The following OSTC variants were observed in gnomAD, a reference collection of about 807,000 sequenced individuals.
The protein encoded by OSTC is oligosaccharyltransferase complex subunit OSTC.
OSTC carries 16 observed loss-of-function variants against 16.4 expected under a neutral mutation model. That is an observed-to-expected ratio of 0.98 (90% CI 0.66 to 1.49). The LOEUF (loss-of-function observed/expected upper bound fraction) is 1.49. Ranked by LOEUF, OSTC falls within the 40% of genes most tolerant of loss-of-function variation. The probability of loss-of-function intolerance (pLI) is 0.00; values close to 1 mark genes in which losing one functional copy is unlikely to be tolerated. For missense variants in OSTC, 139 were observed against 186.3 expected, an observed-to-expected ratio of 0.75 and a Z score of 1.48; for synonymous variants, 67 against 68.5, an observed-to-expected ratio of 0.98 and a Z score of 0.11.
At chr4:108,666,722 A>AT (rs1228141753) in intron 3 of OSTC, among the ~76,000 whole-genome samples, 1 of 148,830 alleles carries the variant, frequency 6.7e-6, no homozygotes, top group Non-Finnish European at 1.5e-5. Flanking sequence ...AAAAAAAAAA[A>AT]AAAAACTTTG....
intron 1 of OSTC, 39 bp from the exon 2 acceptor site, chr4:108,655,525 A>G: frequency 7.8e-7 from 1 of 1,277,562 alleles, no homozygotes; most frequent in African/African-American, 1.5e-5. Flanking sequence ...TTCAAAAATT[A>G]GTAATACAAT....
chr4:108,655,735 T>A, intron 2 of OSTC, 78 bp downstream of exon 2: 1 of 1,039,494 alleles, frequency 9.6e-7, no homozygotes, highest in Non-Finnish European at 1.5e-6. Context: ...AAAAATAGAG[T>A]AAAACCTATG....
rs567554550 is a variant in OSTC, at chr4:108,663,932, G to A, written c.432-3315G>A. On this transcript the variant is annotated intron_variant, in intron 3 of 3. Transcript: ENST00000361564. ...TTTACTTTTTATTGTATTTATCTAC[G>A]GTTTTACTTATGTAAAATTCTCACA... 9.9e-5 allele frequency among the ~76,000 whole-genome samples: 15 copies of A among 152,032 alleles called. No individual in the cohort carries two copies. In the Middle Eastern group the frequency reaches 0.031, roughly 310 times the overall value.
intron 3 of OSTC, among the ~76,000 whole-genome samples, chr4:108,665,528 G>GT (rs1214738827): frequency 1.5e-4 from 5 of 33,410 alleles, no homozygotes; most frequent in African/African-American, 8.3e-4. Flanking sequence ...TAGCCAGGAT[G>GT]TTTTGTGTTT....
chr4:108,664,901 T>C (rs1226033236), intron 3 of OSTC, among the ~76,000 whole-genome samples: 5 of 152,170 alleles, frequency 3.3e-5, no homozygotes, highest in African/African-American at 1.2e-4. Context: ...CAAACCTTTT[T>C]ATTTTTAAAT....
At chr4:108,661,514 G>C (rs1187788354) in intron 3 of OSTC, among the ~76,000 whole-genome samples, 1 of 152,156 alleles carries the variant, frequency 6.6e-6, no homozygotes, top group Non-Finnish European at 1.5e-5. Flanking sequence ...TGATTCTTCT[G>C]AAAAAATAAT....
At position 108,666,929 on chromosome 4, in the gene OSTC, C is replaced by T. The variant is rs188983179; in HGVS notation, c.432-318C>T. ...CTGAGGCAGGAGAACCACTTGAACC[C>T]GGGAGGCGGAGGTTGCAGTGAGCTG... On this transcript the variant is annotated intron_variant, in intron 3 of 3. Coordinates refer to ENST00000361564, the MANE Select transcript of OSTC (RefSeq NM_021227.4). 4.3e-3 allele frequency among the ~76,000 whole-genome samples: 658 copies of T among 151,354 alleles called. 5 individuals carry two copies. Among genetic ancestry groups the T allele is most frequent in the African/African-American group, 0.015 (625 of 41,218 alleles).
chr4:108,664,182 T>G (rs1726935566), intron 3 of OSTC, among the ~76,000 whole-genome samples: 1 of 152,218 alleles, frequency 6.6e-6, no homozygotes, highest in Non-Finnish European at 1.5e-5. Flanking sequence ...ATTTTAAGTT[T>G]GGCAGCTTTG....
In OSTC at chr4:108,658,971, C is replaced by CTTTTTTTTTTTTTTTTTTTT. The variant is rs766585998; in HGVS notation, c.431+1330_431+1349dup. 8.3e-5 allele frequency among the ~76,000 whole-genome samples: 7 copies of CTTTTTTTTTTTTTTTTTTTT among 83,896 alleles called. 1 individual carries two copies. Among genetic ancestry groups the CTTTTTTTTTTTTTTTTTTTT allele is most frequent in the African/African-American group, 3.7e-4 (7 of 18,886 alleles). 55.0% of individuals were successfully genotyped at this position (83,896 alleles called of 152,430 possible). A position where few individuals can be genotyped will look rare whatever the true frequency, so the allele number is the denominator to read the frequency against. On this transcript the variant is annotated intron_variant, in intron 3 of 3. Transcript: ENST00000361564. The stretch of plus-strand genomic sequence containing the variant: ...TGCTCAGTTTCCTCTGGCAGCAGCT[C>CTTTTTTTTTTTTTTTTTTTT]TTTTTTTTTTTTTTTTTTTTTTTTT...
rs114785964 is a variant in OSTC at position 108,663,420 on chromosome 4, C to T, written c.432-3827C>T. 8.2e-3 allele frequency: 2,627 copies of T among 322,072 alleles called. 58 individuals are homozygous for T. Among genetic ancestry groups the T allele is most frequent in the African/African-American group, 0.053 (2,358 of 44,080 alleles). 20.0% of individuals were successfully genotyped at this position (322,072 alleles called of 1,614,324 possible). A position where few individuals can be genotyped will look rare whatever the true frequency, so the allele number is the denominator to read the frequency against. ...TAGAGATGGGGTTTCACCGTGTTAGCCAGTGATCTCCTAACCTCGTGATCC... is the reference window on the plus strand; with the variant it reads ...TAGAGATGGGGTTTCACCGTGTTAGTCAGTGATCTCCTAACCTCGTGATCC... On this transcript the variant is annotated intron_variant, in intron 3 of 3. Coordinates refer to ENST00000361564, the MANE Select transcript of OSTC (RefSeq NM_021227.4).
intron 1 of OSTC, among the ~76,000 whole-genome samples, chr4:108,653,705 A>C (rs1056273044): frequency 6.6e-6 from 1 of 152,136 alleles, no homozygotes; most frequent in African/African-American, 2.4e-5. Flanking sequence ...AATTAGTTGG[A>C]TATGTCACAT....
At chr4:108,656,712 T>C (rs535661816) in intron 2 of OSTC, among the ~76,000 whole-genome samples, 1 of 152,154 alleles carries the variant, frequency 6.6e-6, no homozygotes, top group African/African-American at 2.4e-5. Context: ...AAGAAGTTTA[T>C]TATTATTAAC....
chr4:108,666,887 C>G (rs1727021639), intron 3 of OSTC, among the ~76,000 whole-genome samples: 1 of 151,640 alleles, frequency 6.6e-6, no homozygotes, highest in Non-Finnish European at 1.5e-5. Context: ...CGCCTGTAAT[C>G]CCAGCTACTT....
chr4:108,653,382 CG>C (rs1157034760), intron 1 of OSTC, among the ~76,000 whole-genome samples: 1 of 152,038 alleles, frequency 6.6e-6, no homozygotes, highest in African/African-American at 2.4e-5. Flanking sequence ...CTGAAGAGTT[CG>C]GGGAAAGGAT....
At chr4:108,661,947 C>T (rs982478494) in intron 3 of OSTC, among the ~76,000 whole-genome samples, 6 of 152,086 alleles carry the variant, frequency 3.9e-5, no homozygotes, top group Non-Finnish European at 8.8e-5. Context: ...CCTGTGGTGG[C>T]GTGGTAATGC....
rs1164929408 is a variant in OSTC at position 108,667,624 on chromosome 4, A to AT, written c.*363dup. On this transcript the variant is annotated 3_prime_UTR_variant, in exon 4 of 4. Coordinates refer to ENST00000361564, the MANE Select transcript of OSTC (RefSeq NM_021227.4). ...ACATTTTTTGGAGATGACATTTCTG[A>AT]TTTTCAGAAATTAACATAAAATCCA... 1 of 170,550 alleles carries AT rather than the reference A, an allele frequency of 5.9e-6. No individual in the cohort carries two copies. The highest frequency in any genetic ancestry group is 2.4e-5 in the African/African-American group (1 of 42,154). The allele number at this position is 170,550 out of a possible 1,614,324, so 10.6% of individuals were successfully genotyped here.
At chr4:108,665,913 TC>T (rs1389194046) in intron 3 of OSTC, among the ~76,000 whole-genome samples, 6 of 152,076 alleles carry the variant, frequency 3.9e-5, no homozygotes, top group Admixed American at 1.3e-4. Context: ...TTTTTCCTGA[TC>T]CTGTAGATTC....
chr4:108,665,481 A>G (rs1726969800), intron 3 of OSTC, among the ~76,000 whole-genome samples: 1 of 127,586 alleles, frequency 7.8e-6, no homozygotes, highest in Non-Finnish European at 1.6e-5. Flanking sequence ...GGATTCTTGC[A>G]CTGTTGCCCA....
rs77284877 is a variant in OSTC at position 108,658,425 on chromosome 4, T to TTGTGTGTGTGTGTG, written c.431+786_431+799dup. On this transcript the variant is annotated intron_variant, in intron 3 of 3. Coordinates refer to ENST00000361564, the MANE Select transcript of OSTC (RefSeq NM_021227.4). ...AGATAGGAAAAGGATATTTATATAT[T>TTGTGTGTGTGTGTG]TGTGTGTGTGTGTGTGTGTGTATGT... Among the ~76,000 whole-genome samples, 60 of 150,036 alleles carry TTGTGTGTGTGTGTG rather than the reference T, an allele frequency of 4.0e-4. 1 individual carries two copies. The highest frequency in any genetic ancestry group is 1.4e-3 in the African/African-American group (56 of 40,858).
Sources: gnomAD v4.1 joint callset for allele counts (sites outside exome capture counted in the v4.1 genomes callset) on GRCh38, gnomAD v4.1.1 for gene constraint, MANE v1.5 for transcripts, NCBI Gene and HGNC (gene_info 2026-07-23, HGNC 2026-07-21) for gene names.